The following PTPRG variants were observed in gnomAD, a reference collection of about 807,000 sequenced individuals.
PTPRG encodes the protein protein tyrosine phosphatase receptor type G.
In PTPRG, 102 loss-of-function variants were observed where a neutral mutation model predicts 165.3. The ratio of observed to expected loss-of-function variants is 0.62; its 90% confidence interval spans 0.53 to 0.73. The LOEUF (loss-of-function observed/expected upper bound fraction) is 0.73, where lower values mean the gene tolerates loss of function less well. PTPRG is among the 30% of genes least tolerant of loss of function. PTPRG has a pLI of 0.00. For missense variants in PTPRG, 1,866 were observed against 1,861.4 expected, an observed-to-expected ratio of 1.00 and a Z score of -0.05; for synonymous variants, 675 against 669.5, an observed-to-expected ratio of 1.01 and a Z score of -0.13.
chr3:62,037,962 G>A (rs899418307), intron 4 of PTPRG, among the ~76,000 whole-genome samples: 8 of 152,078 alleles, frequency 5.3e-5, no homozygotes, highest in Admixed American at 4.6e-4. Context: ...TTCAATCTAC[G>A]AATTTCAGGG....
intron 2 of PTPRG, among the ~76,000 whole-genome samples, chr3:61,915,810 T>A (rs542740496): frequency 6.6e-6 from 1 of 152,312 alleles, no homozygotes; most frequent in Non-Finnish European, 1.5e-5. Context: ...CATCATAATA[T>A]CACTTGATTT....
At chr3:61,569,618 C>G (rs1700008355) in intron 1 of PTPRG, among the ~76,000 whole-genome samples, 1 of 152,170 alleles carries the variant, frequency 6.6e-6, no homozygotes, top group African/African-American at 2.4e-5. Flanking sequence ...TGCTCCTGGC[C>G]ACCGTTTTTA....
At chr3:61,892,124 G>A (rs1201293165) in intron 2 of PTPRG, among the ~76,000 whole-genome samples, 1 of 152,172 alleles carries the variant, frequency 6.6e-6, no homozygotes, top group East Asian at 1.9e-4. Context: ...CCATTTTACA[G>A]ATGGGAAAGT....
chr3:61,635,734 A>G (rs1701891593), intron 1 of PTPRG, among the ~76,000 whole-genome samples: 1 of 152,120 alleles, frequency 6.6e-6, no homozygotes, highest in Non-Finnish European at 1.5e-5. Context: ...TAAGGCTTAG[A>G]TGGCCTATGG....
At chr3:61,898,795 G>T (rs1379826649) in intron 2 of PTPRG, among the ~76,000 whole-genome samples, 4 of 152,318 alleles carry the variant, frequency 2.6e-5, no homozygotes, top group African/African-American at 9.6e-5. Flanking sequence ...AATTCAAAAA[G>T]AAAGAAAATG....
intron 2 of PTPRG, among the ~76,000 whole-genome samples, chr3:61,783,893 TTGAC>T (rs2107094249): frequency 6.6e-6 from 1 of 152,266 alleles, no homozygotes. Context: ...TGTGCAGTGA[TTGAC>T]TGAGTTAATT....
At chr3:62,286,100 G>T (rs1268296740) in intron 28 of PTPRG, among the ~76,000 whole-genome samples, 1 of 152,026 alleles carries the variant, frequency 6.6e-6, no homozygotes, top group Admixed American at 6.6e-5. Flanking sequence ...AAATCCCCTG[G>T]AGGTCCTCAA....
intron 1 of PTPRG, among the ~76,000 whole-genome samples, chr3:61,611,445 G>C (rs1701164326): frequency 6.6e-6 from 1 of 152,134 alleles, no homozygotes; most frequent in South Asian, 2.1e-4. Context: ...AAAAAAACTT[G>C]AATGCTTTTT....
intron 28 of PTPRG, among the ~76,000 whole-genome samples, chr3:62,285,274 A>G (rs1411125955): frequency 6.6e-6 from 1 of 152,078 alleles, no homozygotes; most frequent in Non-Finnish European, 1.5e-5. Context: ...CCCTATAACA[A>G]ATTGTCCCCA....
In PTPRG at chr3:61,885,384, A is replaced by C. The variant is rs376674054; in HGVS notation, c.191-104241A>C. Among the ~76,000 whole-genome samples the C allele has an allele frequency of 6.9e-4, 105 of 151,228 alleles. 2 individuals are homozygous for C. Among genetic ancestry groups the C allele is most frequent in the African/African-American group, 2.4e-3 (99 of 40,918 alleles). ...AATGATTATCCATACTTCTGCCCCC[A>C]AGAGCTAGCCACTGTCGGTGTTTTT... On this transcript the variant is annotated intron_variant, in intron 2 of 29. Coordinates refer to ENST00000474889, the MANE Select transcript of PTPRG (RefSeq NM_002841.4).
chr3:62,054,890 A>G (rs569962930), intron 4 of PTPRG, among the ~76,000 whole-genome samples: 1 of 152,350 alleles, frequency 6.6e-6, no homozygotes, highest in African/African-American at 2.4e-5. Context: ...AGATGAAATT[A>G]TAGGCTTTAG....
intron 2 of PTPRG, among the ~76,000 whole-genome samples, chr3:61,798,926 G>A (rs1218862284): frequency 2.0e-5 from 3 of 151,652 alleles, no homozygotes; most frequent in African/African-American, 4.8e-5. Flanking sequence ...CCAGCCTTCC[G>A]TTCCTGAGCA....
chr3:62,085,348 T>C (rs2106778283), intron 5 of PTPRG, among the ~76,000 whole-genome samples: 1 of 152,294 alleles, frequency 6.6e-6, no homozygotes, highest in Non-Finnish European at 1.5e-5. Flanking sequence ...AACGATTCAT[T>C]GAGGTTGGTA....
chr3:61,581,791 G>T (rs1286794301), intron 1 of PTPRG, among the ~76,000 whole-genome samples: 2 of 151,674 alleles, frequency 1.3e-5, no homozygotes, highest in Non-Finnish European at 2.9e-5. Context: ...TATATTTTTA[G>T]TAGAGACAGG....
chr3:62,115,343 G>A (rs1467513245), intron 5 of PTPRG, among the ~76,000 whole-genome samples: 3 of 152,146 alleles, frequency 2.0e-5, no homozygotes, highest in Non-Finnish European at 4.4e-5. Context: ...GTGATTTAAA[G>A]AGTGTTTATC....
intron 5 of PTPRG, among the ~76,000 whole-genome samples, chr3:62,104,251 G>A (rs1034081016): frequency 1.3e-5 from 2 of 152,172 alleles, no homozygotes; most frequent in East Asian, 1.9e-4. Context: ...CTCAGGCACA[G>A]TGTCATGGTG....
At chr3:61,934,346 G>T (rs980165419) in intron 2 of PTPRG, among the ~76,000 whole-genome samples, 30 of 151,936 alleles carry the variant, frequency 2.0e-4, no homozygotes, top group African/African-American at 6.8e-4. Flanking sequence ...ACTTGGATTT[G>T]CTAATACTGA....
At chr3:61,835,581 C>G (rs577687400) in intron 2 of PTPRG, among the ~76,000 whole-genome samples, 2 of 152,130 alleles carry the variant, frequency 1.3e-5, no homozygotes, top group South Asian at 4.1e-4. Flanking sequence ...ATCCAGCCAC[C>G]TCAGCCTCCC....
At chr3:61,806,133 A>C (rs2035408768) in intron 2 of PTPRG, among the ~76,000 whole-genome samples, 1 of 152,160 alleles carries the variant, frequency 6.6e-6, no homozygotes, top group African/African-American at 2.4e-5. Context: ...TTTTGTGCCT[A>C]GGTCTCTTCC....
Sources: allele counts gnomAD v4.1 joint callset (sites outside exome capture counted in the v4.1 genomes callset), GRCh38; gene constraint gnomAD v4.1.1; transcripts MANE v1.5; gene names NCBI Gene and HGNC (gene_info 2026-07-23, HGNC 2026-07-21).